PTPRG: variants seen among roughly 807,000 people sequenced by gnomAD.
The protein encoded by PTPRG is receptor-type tyrosine-protein phosphatase gamma.
PTPRG carries 102 observed loss-of-function variants against 165.3 expected under a neutral mutation model. That is an observed-to-expected ratio of 0.62 (90% CI 0.53 to 0.73). The LOEUF (loss-of-function observed/expected upper bound fraction) is 0.73. Ranked by LOEUF, PTPRG falls within the 30% of genes least tolerant of loss-of-function variation. The pLI, the probability that PTPRG is intolerant of heterozygous loss-of-function variation, is 0.00. For synonymous variants in PTPRG, 675 were observed against 669.5 expected, an observed-to-expected ratio of 1.01 and a Z score of -0.13; for missense variants, 1,866 against 1,861.4, an observed-to-expected ratio of 1.00 and a Z score of -0.05.
intron 2 of PTPRG, among the ~76,000 whole-genome samples, chr3:61,928,966 G>A (rs1024269807): frequency 1.3e-5 from 2 of 152,210 alleles, no homozygotes; most frequent in African/African-American, 4.8e-5. Context: ...CGGGAAGGAT[G>A]TTGCTATTGG....
intron 4 of PTPRG, among the ~76,000 whole-genome samples, chr3:62,030,277 C>G (rs1053903987): frequency 4.0e-5 from 6 of 151,836 alleles, no homozygotes; most frequent in Non-Finnish European, 8.8e-5. Flanking sequence ...CCCCTCTCAC[C>G]CAAAGCTTAA....
At chr3:62,124,256 G>C (rs1703197773) in intron 5 of PTPRG, 1 of 1,393,266 alleles carries the variant, frequency 7.2e-7, no homozygotes, top group Admixed American at 1.7e-5. Flanking sequence ...AGGGAATTCA[G>C]AAGCCTGCAA....
chr3:62,158,856 G>A (rs530810747), intron 7 of PTPRG, among the ~76,000 whole-genome samples: 1 of 151,994 alleles, frequency 6.6e-6, no homozygotes, highest in Admixed American at 6.6e-5. Context: ...GGATCTGCCA[G>A]CCTTAAGGAG....
chr3:61,694,313 T>G (rs2030425499), intron 1 of PTPRG, among the ~76,000 whole-genome samples: 1 of 152,196 alleles, frequency 6.6e-6, no homozygotes. Flanking sequence ...AAGAAAAAGA[T>G]TTTTAAAAAG....
intron 5 of PTPRG, among the ~76,000 whole-genome samples, chr3:62,080,291 G>T (rs1701526795): frequency 6.6e-6 from 1 of 151,482 alleles, no homozygotes; most frequent in African/African-American, 2.4e-5. Flanking sequence ...GGTCAGGCTG[G>T]TGTTAAACTC....
At chr3:62,160,654 A>G (rs112619160) in intron 7 of PTPRG, among the ~76,000 whole-genome samples, 2,043 of 152,366 alleles carry the variant, frequency 0.013, 35 homozygotes, top group African/African-American at 0.046. Flanking sequence ...GTTTTCTTCT[A>G]GAATAGTGCT....
chr3:61,924,920 T>G (rs1575790411), intron 2 of PTPRG, among the ~76,000 whole-genome samples: 1 of 152,186 alleles, frequency 6.6e-6, no homozygotes, highest in East Asian at 1.9e-4. Flanking sequence ...AGCGTGGAGC[T>G]CTCATAAATG....
chr3:61,596,508 T>C (rs772860345), intron 1 of PTPRG, among the ~76,000 whole-genome samples: 1 of 152,154 alleles, frequency 6.6e-6, no homozygotes, highest in Admixed American at 6.5e-5. Context: ...GACAAATAAC[T>C]GGGGCAGTGT....
At chr3:61,925,242 G>C (rs997585241) in intron 2 of PTPRG, among the ~76,000 whole-genome samples, 1 of 152,170 alleles carries the variant, frequency 6.6e-6, no homozygotes, top group African/African-American at 2.4e-5. Context: ...GCATTCTGCT[G>C]ACCCATCACC....
intron 8 of PTPRG, among the ~76,000 whole-genome samples, chr3:62,187,750 C>A (rs1156870169): frequency 2.0e-5 from 3 of 152,122 alleles, no homozygotes; most frequent in Non-Finnish European, 4.4e-5. Flanking sequence ...AGCCACTACC[C>A]AGGATGGGGG....
chr3:61,939,043 T>C (rs2107601500), intron 2 of PTPRG, among the ~76,000 whole-genome samples: 1 of 152,272 alleles, frequency 6.6e-6, no homozygotes, highest in East Asian at 1.9e-4. Context: ...TTATAATACG[T>C]TTAAATTACT....
At position 62,132,680 on chromosome 3, in the gene PTPRG, A is replaced by T; in HGVS notation, c.682+12A>T. ...TGTCGTACATCATGGTAAGTATGCC[A>T]CATACACTTCCTTTTGCTGGGATGT... On this transcript the variant is annotated intron_variant, in intron 6 of 29. Transcript: ENST00000474889. 6.3e-7 allele frequency: 1 copy of T among 1,594,698 alleles called. No homozygotes were observed. The highest frequency in any genetic ancestry group is 1.1e-5 in the South Asian group (1 of 90,672).
intron 6 of PTPRG, among the ~76,000 whole-genome samples, chr3:62,153,166 T>C (rs185781356): frequency 4.2e-4 from 64 of 152,342 alleles, no homozygotes; most frequent in African/African-American, 1.5e-3. Flanking sequence ...TACTCTTTGG[T>C]ACTTTATAGA....
chr3:61,646,273 C>T (rs1170866720), intron 1 of PTPRG, among the ~76,000 whole-genome samples: 2 of 152,084 alleles, frequency 1.3e-5, no homozygotes, highest in Non-Finnish European at 2.9e-5. Context: ...CCACGCTTGG[C>T]TAATTTTGTG....
At chr3:61,583,463 T>C (rs1215187304) in intron 1 of PTPRG, among the ~76,000 whole-genome samples, 1 of 152,218 alleles carries the variant, frequency 6.6e-6, no homozygotes, top group Non-Finnish European at 1.5e-5. Flanking sequence ...TGGATGCGGA[T>C]GTAAGTAAAG....
intron 1 of PTPRG, among the ~76,000 whole-genome samples, chr3:61,629,406 G>T (rs1701705248): frequency 6.6e-6 from 1 of 152,056 alleles, no homozygotes; most frequent in African/African-American, 2.4e-5. Context: ...CGCCTGCCTT[G>T]GTCTCCTAAA....
chr3:62,057,217 C>A (rs1700662716), intron 4 of PTPRG, among the ~76,000 whole-genome samples: 1 of 152,114 alleles, frequency 6.6e-6, no homozygotes, highest in South Asian at 2.1e-4. Flanking sequence ...CTGGCTACAC[C>A]TTTGGGTTTT....
intron 2 of PTPRG, among the ~76,000 whole-genome samples, chr3:61,826,974 G>A (rs149141262): frequency 3.3e-5 from 5 of 151,760 alleles, no homozygotes; most frequent in Admixed American, 2.0e-4. Context: ...TACTTATCCC[G>A]CCCTCTTCTA....
Position 61,986,449 on chromosome 3 carries a change from T to C in PTPRG, c.191-3176T>C, listed in dbSNP as rs565365852. 2.6e-5 allele frequency among the ~76,000 whole-genome samples: 4 copies of C among 152,150 alleles called. No individual in the cohort carries two copies. The South Asian group carries it at 8.3e-4, about 32-fold the overall frequency. The stretch of plus-strand genomic sequence containing the variant: ...GGACGTTTACCCTGAGATCAAACTT[T>C]TAGCCAGGGGTTTCAGATGTGTTTA... On this transcript the variant is annotated intron_variant, in intron 2 of 29. Coordinates refer to ENST00000474889, the MANE Select transcript of PTPRG (RefSeq NM_002841.4).
Sources: gnomAD v4.1 joint callset for allele counts (sites outside exome capture counted in the v4.1 genomes callset) on GRCh38, gnomAD v4.1.1 for gene constraint, MANE v1.5 for transcripts, NCBI Gene and HGNC (gene_info 2026-07-23, HGNC 2026-07-21) for gene names.